The following C13orf42 variants were observed in gnomAD, a reference collection of about 807,000 sequenced individuals.
C13orf42 encodes uncharacterized protein C13orf42.
At chr13:51,169,975 G>T (rs1011526482) in intron 1 of C13orf42, among the ~76,000 whole-genome samples, 13 of 152,104 alleles carry the variant, frequency 8.5e-5, no homozygotes, top group Non-Finnish European at 1.9e-4. Flanking sequence ...AATATGCCTT[G>T]CCCCACCTTA....
intron 1 of C13orf42, among the ~76,000 whole-genome samples, chr13:51,090,234 G>T (rs576300193): frequency 1.3e-5 from 2 of 152,122 alleles, no homozygotes; most frequent in Non-Finnish European, 2.9e-5. Context: ...GGCTGACTCC[G>T]AATTCATCCA....
At chr13:51,115,450 C>T (rs11618218), upstream of C13orf42, among the ~76,000 whole-genome samples, 30,756 of 152,132 alleles carry the variant, frequency 0.2, 3,583 homozygotes, top group South Asian at 0.31. Flanking sequence ...GACGTTGCCT[C>T]GTATCATGGT....
intron 1 of C13orf42, among the ~76,000 whole-genome samples, chr13:51,124,476 T>C (rs145976426): frequency 8.0e-4 from 122 of 152,344 alleles, no homozygotes; most frequent in Middle Eastern, 3.4e-3. Context: ...TTTCAGGTTG[T>C]GCTACGTTGT....
At chr13:51,090,531 A>G (rs1055513093) in intron 1 of C13orf42, among the ~76,000 whole-genome samples, 1 of 152,186 alleles carries the variant, frequency 6.6e-6, no homozygotes, top group Non-Finnish European at 1.5e-5. Context: ...TGGAGGGCAC[A>G]TCTCCAAGTC....
intron 1 of C13orf42, among the ~76,000 whole-genome samples, chr13:51,118,552 G>A (rs1953509656): frequency 6.6e-6 from 1 of 152,238 alleles, no homozygotes; most frequent in African/African-American, 2.4e-5. Flanking sequence ...GGCAGAGAGT[G>A]AAGCTGCCCT....
chr13:51,146,247 G>A (rs1272561882), intron 1 of C13orf42, among the ~76,000 whole-genome samples: 1 of 152,018 alleles, frequency 6.6e-6, no homozygotes, highest in Non-Finnish European at 1.5e-5. Flanking sequence ...TCTGATAAAT[G>A]GACATCTGAG....
chr13:51,116,875 C>T (rs1953496210), intron 1 of C13orf42, among the ~76,000 whole-genome samples: 1 of 152,184 alleles, frequency 6.6e-6, no homozygotes, highest in South Asian at 2.1e-4. Context: ...CATGGTCTCT[C>T]CAGTGAGGTG....
intron 1 of C13orf42, among the ~76,000 whole-genome samples, chr13:51,104,141 G>T (rs142061350): frequency 6.6e-6 from 1 of 152,124 alleles, no homozygotes; most frequent in Admixed American, 6.5e-5. Flanking sequence ...GAGGGTCCAC[G>T]ATCTTTTAAG....
At chr13:51,144,522 A>G (rs1953720497) in intron 1 of C13orf42, among the ~76,000 whole-genome samples, 1 of 117,754 alleles carries the variant, frequency 8.5e-6, no homozygotes, top group Non-Finnish European at 1.9e-5. Context: ...TTCATTTGTA[A>G]CAGGACCCAA....
chr13:51,086,634 G>T (rs1057013772), intron 2 of C13orf42, among the ~76,000 whole-genome samples: 1 of 152,110 alleles, frequency 6.6e-6, no homozygotes, highest in Non-Finnish European at 1.5e-5. Context: ...TTATGCTTTG[G>T]TATGTTTTTT....
At chr13:51,163,249 G>A (rs983704649) in intron 1 of C13orf42, among the ~76,000 whole-genome samples, 3 of 152,150 alleles carry the variant, frequency 2.0e-5, no homozygotes, top group African/African-American at 7.2e-5. Flanking sequence ...AATATAGGCA[G>A]CCTCCATCAT....
rs1491353363 is a variant in C13orf42 at position 51,160,978 on chromosome 13, CAA to C, written n.136+11273_136+11274del. Among the ~76,000 whole-genome samples, 78 of 136,038 alleles carry C rather than the reference CAA, an allele frequency of 5.7e-4. 1 individual carries two copies. The highest frequency in any genetic ancestry group is 2.2e-3 in the Admixed American group (30 of 13,540). 89.2% of individuals were successfully genotyped at this position (136,038 alleles called of 152,430 possible). ...TTGGAAACAAGAAAAAAAAAAAAAACAAAAAACTGCCAGTTGTCGCATTGTCC... is the reference window on the plus strand; with the variant it reads ...TTGGAAACAAGAAAAAAAAAAAAAACAAAACTGCCAGTTGTCGCATTGTCC... On this transcript the variant is annotated intron_variant and non_coding_transcript_variant, in intron 1 of 4. Coordinates refer to the C13orf42 transcript ENST00000433280.
At chr13:51,144,532 A>G (rs7331064) in intron 1 of C13orf42, among the ~76,000 whole-genome samples, 73,946 of 134,452 alleles carry the variant, frequency 0.55, 18,558 homozygotes, top group African/African-American at 0.61. Context: ...ACAGGACCCA[A>G]CTGGAGAAAC....
Position 51,083,977 on chromosome 13 carries a change from C to T in C13orf42, c.*174G>A, listed in dbSNP as rs933468771. The stretch of plus-strand genomic sequence containing the variant: ...TCTGAGAGTGTCCTGAGACCTGTCC[C>T]CTGGGAAGCCACAGGTCTGTTTGGC... On this transcript the variant is annotated 3_prime_UTR_variant, in exon 4 of 4. Transcript: ENST00000563710. The T allele has an allele frequency of 2.6e-6, 1 of 389,886 alleles. No individual in the cohort carries two copies. The highest frequency in any genetic ancestry group is 4.5e-5 in the Admixed American group (1 of 22,414). 24.2% of individuals were successfully genotyped at this position (389,886 alleles called of 1,614,324 possible).
At position 51,099,952 on chromosome 13, in the gene C13orf42, G is replaced by T. The variant is rs147797435; in HGVS notation, c.414+10844C>A. Among the ~76,000 whole-genome samples the T allele has an allele frequency of 9.3e-4, 141 of 152,316 alleles. No homozygotes were observed. The East Asian group carries it at 0.025, about 27-fold the overall frequency. The stretch of plus-strand genomic sequence containing the variant: ...CAAACTGTTAGAAGCCTAACTGATA[G>T]AACTGAATTAACAGACTTAAAGCAT... On this transcript the variant is annotated intron_variant, in intron 1 of 3. Transcript: ENST00000563710.
chr13:51,133,891 C>T (rs772137483), intron 1 of C13orf42, among the ~76,000 whole-genome samples: 7 of 152,120 alleles, frequency 4.6e-5, no homozygotes, highest in Admixed American at 2.0e-4. Context: ...GTTTTACAAA[C>T]GACAGAAGCT....
At chr13:51,162,632 A>C (rs1472605603) in intron 1 of C13orf42, among the ~76,000 whole-genome samples, 1 of 152,162 alleles carries the variant, frequency 6.6e-6, no homozygotes, top group African/African-American at 2.4e-5. Context: ...GTTCTGGATG[A>C]TATCTCTCTC....
chr13:51,128,887 C>T (rs1953594692), intron 1 of C13orf42, among the ~76,000 whole-genome samples: 1 of 152,126 alleles, frequency 6.6e-6, no homozygotes. Flanking sequence ...TACTTTGGAG[C>T]ATTAGGTCAT....
intron 1 of C13orf42, among the ~76,000 whole-genome samples, chr13:51,100,607 T>C (rs1953279826): frequency 6.6e-6 from 1 of 152,144 alleles, no homozygotes; most frequent in Non-Finnish European, 1.5e-5. Flanking sequence ...ATAATAAAAG[T>C]ACCTTAAGAT....
Sources: gnomAD v4.1 joint callset for allele counts (sites outside exome capture counted in the v4.1 genomes callset) on GRCh38, gnomAD v4.1.1 for gene constraint, MANE v1.5 for transcripts, NCBI Gene and HGNC (gene_info 2026-07-23, HGNC 2026-07-21) for gene names.